Variants in ANKS1B observed in about 807,000 individuals in gnomAD.
The protein encoded by ANKS1B is ankyrin repeat and sterile alpha motif domain-containing protein 1B.
In ANKS1B, 36 loss-of-function variants were observed where a neutral mutation model predicts 148.3. That is an observed-to-expected ratio of 0.24 (90% confidence interval 0.19 to 0.32). ANKS1B has a LOEUF of 0.32. Among genes scored for constraint, ANKS1B ranks in the 10% least tolerant of loss-of-function variants. The probability of loss-of-function intolerance (pLI) is 1.00; values close to 1 mark genes in which losing one functional copy is unlikely to be tolerated. For synonymous variants in ANKS1B, 542 were observed against 560.8 expected, an observed-to-expected ratio of 0.97 and a Z score of 0.47; for missense variants, 1,157 against 1,542.6, an observed-to-expected ratio of 0.75 and a Z score of 4.19.
At position 98,751,702 on chromosome 12, in the gene ANKS1B, C is replaced by T. The variant is rs1227073735; in HGVS notation, c.3580-180G>A. ...CACTCCGGGTCCAACTTAGGGTTTA[C>T]ACCAGGCTTTAGTCATTTGTGAAAA... On this transcript the variant is annotated intron_variant, in intron 25 of 26. Transcript: ENST00000683438. This position sits in a 1 kb window ranked among gnomAD's most constrained non-coding sequence, Gnocchi z 4.3. 6.6e-6 allele frequency among the ~76,000 whole-genome samples: 1 copy of T among 152,198 alleles called. No individual in the cohort carries two copies. The highest frequency in any genetic ancestry group is 2.4e-5 in the African/African-American group (1 of 41,436).
At chr12:99,569,947 A>G (rs898054928) in intron 9 of ANKS1B, among the ~76,000 whole-genome samples, 1 of 152,176 alleles carries the variant, frequency 6.6e-6, no homozygotes, top group African/African-American at 2.4e-5. Flanking sequence ...ACCAGGGAAC[A>G]CTATCCAGCA....
intron 17 of ANKS1B, among the ~76,000 whole-genome samples, chr12:98,900,690 C>T (rs2152770662): frequency 6.6e-6 from 1 of 152,282 alleles, no homozygotes; most frequent in African/African-American, 2.4e-5. Context: ...TGTGTGTATT[C>T]ACTAAAGACA....
At chr12:99,208,598 A>T (rs2082955440) in intron 14 of ANKS1B, among the ~76,000 whole-genome samples, 1 of 152,140 alleles carries the variant, frequency 6.6e-6, no homozygotes, top group South Asian at 2.1e-4. Flanking sequence ...GCTACGGGAC[A>T]TTGAATATAT....
intron 1 of ANKS1B, among the ~76,000 whole-genome samples, chr12:99,920,270 C>T (rs2094311670): frequency 6.6e-6 from 1 of 151,954 alleles, no homozygotes; most frequent in Non-Finnish European, 1.5e-5. Flanking sequence ...GAAAAATGTC[C>T]CTCAAGGACA....
At chr12:99,307,045 T>C (rs2082447417) in intron 12 of ANKS1B, among the ~76,000 whole-genome samples, 1 of 152,140 alleles carries the variant, frequency 6.6e-6, no homozygotes, top group South Asian at 2.1e-4. Flanking sequence ...TGCCTTCTTC[T>C]AACTTTTGCA....
Position 98,829,081 on chromosome 12 carries a change from G to A in ANKS1B, c.3066+93C>T, listed in dbSNP as rs560603694. 43 of 1,426,562 alleles carry A rather than the reference G, an allele frequency of 3.0e-5. No individual in the cohort carries two copies. The highest frequency in any genetic ancestry group is 2.7e-4 in the South Asian group (23 of 84,186). The allele number at this position is 1,426,562 out of a possible 1,614,324, so 88.4% of individuals were successfully genotyped here. A position where few individuals can be genotyped will look rare whatever the true frequency, so the allele number is the denominator to read the frequency against. ...CATGGTATAAATTCTAGTTAGGCACGGACAATAAGCATCCATAGGAAGCTA... is the reference window on the plus strand; with the variant it reads ...CATGGTATAAATTCTAGTTAGGCACAGACAATAAGCATCCATAGGAAGCTA... On this transcript the variant is annotated intron_variant, in intron 19 of 26. Transcript: ENST00000683438. This position sits in a 1 kb window ranked among gnomAD's most constrained non-coding sequence, Gnocchi z 5.2.
intron 1 of ANKS1B, among the ~76,000 whole-genome samples, chr12:99,865,466 C>G (rs1476664344): frequency 6.6e-6 from 1 of 152,110 alleles, no homozygotes; most frequent in African/African-American, 2.4e-5. Flanking sequence ...CTTGCAGTTT[C>G]AATTCCAGAA....
intron 1 of ANKS1B, among the ~76,000 whole-genome samples, chr12:99,967,902 C>T (rs1444414006): frequency 1.7e-5 from 2 of 115,968 alleles, no homozygotes; most frequent in Non-Finnish European, 1.8e-5. Flanking sequence ...GGCGAAACTC[C>T]GTCTCAAAAA....
intron 19 of ANKS1B, among the ~76,000 whole-genome samples, chr12:98,820,833 G>A (rs1176670853): frequency 6.6e-6 from 1 of 152,098 alleles, no homozygotes; most frequent in Admixed American, 6.5e-5. Flanking sequence ...CAGTGAAGAG[G>A]TATTAGTTTG....
intron 11 of ANKS1B, among the ~76,000 whole-genome samples, chr12:99,436,377 A>G (rs1016705294): frequency 1.7e-4 from 26 of 152,084 alleles, no homozygotes; most frequent in Non-Finnish European, 7.4e-5. Context: ...AACAAATGAA[A>G]CACATACTCA....
intron 14 of ANKS1B, among the ~76,000 whole-genome samples, chr12:99,239,119 T>C (rs2088678248): frequency 6.6e-6 from 1 of 152,156 alleles, no homozygotes; most frequent in Non-Finnish European, 1.5e-5. Context: ...CAAACTCCTC[T>C]GAGCTAAAGG....
Position 98,745,572 on chromosome 12 carries a change from G to A in ANKS1B, c.*167C>T. 2.2e-6 allele frequency: 3 copies of A among 1,391,976 alleles called. No homozygotes were observed. The highest frequency in any genetic ancestry group is 2.8e-6 in the Non-Finnish European group (3 of 1,070,180). 86.2% of individuals were successfully genotyped at this position (1,391,976 alleles called of 1,614,324 possible). A position where few individuals can be genotyped will look rare whatever the true frequency, so the allele number is the denominator to read the frequency against. ...AAGTCTTGCGTTTTCCATCACTGGTGCAGAAAGAACTTCCCCAGGAATGGC... is the reference window on the plus strand; with the variant it reads ...AAGTCTTGCGTTTTCCATCACTGGTACAGAAAGAACTTCCCCAGGAATGGC... On this transcript the variant is annotated 3_prime_UTR_variant, in exon 27 of 27. Coordinates refer to ENST00000683438, the MANE Select transcript of ANKS1B (RefSeq NM_001352186.2).
intron 17 of ANKS1B, among the ~76,000 whole-genome samples, chr12:98,893,065 GT>G (rs1397731187): frequency 6.6e-6 from 1 of 152,012 alleles, no homozygotes; most frequent in South Asian, 2.1e-4. Flanking sequence ...CATTCTGAAG[GT>G]TTTTTTAAAA....
chr12:99,847,611 C>T (rs1307998508), intron 1 of ANKS1B, among the ~76,000 whole-genome samples: 2 of 152,182 alleles, frequency 1.3e-5, no homozygotes, highest in East Asian at 3.9e-4. Flanking sequence ...TTTGTCTAAT[C>T]ACATTCCTAT....
chr12:99,244,227 T>C (rs2089899437), intron 14 of ANKS1B, 115 bp downstream of exon 14: 2 of 680,298 alleles, frequency 2.9e-6, no homozygotes, highest in East Asian at 3.0e-5. Context: ...TGGAAGGAAA[T>C]AATTTGTAGT....
intron 24 of ANKS1B, among the ~76,000 whole-genome samples, chr12:98,776,532 A>G (rs986294624): frequency 3.9e-5 from 6 of 152,192 alleles, no homozygotes; most frequent in Non-Finnish European, 8.8e-5. Context: ...GTTTGCCATC[A>G]TGGTGAGAAA....
At chr12:99,244,135 T>C (rs2089885389) in intron 14 of ANKS1B, among the ~76,000 whole-genome samples, 4 of 151,100 alleles carry the variant, frequency 2.6e-5, no homozygotes, top group African/African-American at 7.3e-5. Context: ...AAATAGCACA[T>C]GGGAAAAAAT....
chr12:99,392,486 A>G (rs563588203), intron 12 of ANKS1B, among the ~76,000 whole-genome samples: 1 of 152,300 alleles, frequency 6.6e-6, no homozygotes, highest in Non-Finnish European at 1.5e-5. Context: ...TTCTCCTCCC[A>G]TCAGTTTTCT....
chr12:99,688,355 T>C (rs1215385928), intron 8 of ANKS1B, among the ~76,000 whole-genome samples: 1 of 152,238 alleles, frequency 6.6e-6, no homozygotes, highest in African/African-American at 2.4e-5. Flanking sequence ...TGGGTAATTG[T>C]AAGGCTCACC....
Sources: gnomAD v4.1 joint callset for allele counts (sites outside exome capture counted in the v4.1 genomes callset) on GRCh38, gnomAD v4.1.1 for gene constraint, Gnocchi (gnomAD v3.1) non-coding constraint, MANE v1.5 for transcripts, NCBI Gene and HGNC (gene_info 2026-07-23, HGNC 2026-07-21) for gene names.